The following APOO variants were observed in gnomAD, a reference collection of about 807,000 sequenced individuals.
APOO encodes the protein apolipoprotein O, also known as MICOS complex subunit MIC26.
A neutral mutation model predicts 23.1 loss-of-function variants in APOO; 11 were observed. The ratio of observed to expected loss-of-function variants is 0.48; its 90% confidence interval spans 0.30 to 0.79. APOO has a LOEUF of 0.79. Ranked by LOEUF, APOO falls within the 30% of genes least tolerant of loss-of-function variation. The probability of loss-of-function intolerance (pLI) is 0.07; values close to 1 mark genes in which losing one functional copy is unlikely to be tolerated. For missense variants in APOO, 160 were observed against 142.7 expected, an observed-to-expected ratio of 1.12 and a Z score of -0.62; for synonymous variants, 59 against 54.8, an observed-to-expected ratio of 1.08 and a Z score of -0.34.
At chrX:23,842,320 T>A in intron 7 of APOO, among the ~76,000 whole-genome samples, 1 of 110,417 alleles carries the variant, frequency 9.1e-6, no homozygotes, top group Admixed American at 9.7e-5. Flanking sequence ...GCCAGGGAGG[T>A]TGAGGCTGCA....
chrX:23,905,637 T>G (rs980911809), intron 1 of APOO, among the ~76,000 whole-genome samples: 2 of 111,405 alleles, frequency 1.8e-5, no homozygotes, highest in Non-Finnish European at 3.8e-5. Context: ...TCTTTGGCCG[T>G]CAGTGAGTCC....
intron 3 of APOO, among the ~76,000 whole-genome samples, chrX:23,876,452 A>G (rs1395407348): frequency 9.5e-6 from 1 of 105,266 alleles, no homozygotes; most frequent in Non-Finnish European, 1.9e-5. Context: ...AAAACTTCAG[A>G]TCAATATCTA....
chrX:23,894,744 C>T (rs772470077), intron 1 of APOO, among the ~76,000 whole-genome samples: 63 of 108,398 alleles, frequency 5.8e-4, no homozygotes, highest in African/African-American at 2.0e-3. Context: ...TGCAGTGAGC[C>T]GAGATCATGC....
chrX:23,844,886 T>A (rs1309503430), intron 7 of APOO, among the ~76,000 whole-genome samples: 2 of 112,417 alleles, frequency 1.8e-5, no homozygotes, highest in Non-Finnish European at 3.8e-5. Flanking sequence ...GAAGCGAAAA[T>A]GTGCAGTATC....
At chrX:23,876,921 T>C (rs1925884434) in intron 3 of APOO, among the ~76,000 whole-genome samples, 1 of 112,779 alleles carries the variant, frequency 8.9e-6, no homozygotes, top group Non-Finnish European at 1.9e-5. Flanking sequence ...AAGGCTTTGT[T>C]CTACCCAGGA....
chrX:23,839,813 T>G (rs1016516742), intron 8 of APOO, among the ~76,000 whole-genome samples: 10 of 111,570 alleles, frequency 9.0e-5, no homozygotes, highest in Non-Finnish European at 1.7e-4. Flanking sequence ...ATACCATAAT[T>G]AAGCCATTTT....
chrX:23,877,128 C>CA (rs897536511), intron 3 of APOO, among the ~76,000 whole-genome samples: 2 of 108,483 alleles, frequency 1.8e-5, no homozygotes, highest in African/African-American at 6.6e-5. Context: ...CTTTTATTGC[C>CA]AAAAAAACCA....
intron 4 of APOO, among the ~76,000 whole-genome samples, chrX:23,870,468 T>C (rs1174521100): frequency 1.8e-5 from 2 of 111,676 alleles, no homozygotes; most frequent in Non-Finnish European, 3.8e-5. Flanking sequence ...GTGGTAATAA[T>C]GGATGTTCAT....
intron 7 of APOO, among the ~76,000 whole-genome samples, chrX:23,843,251 T>C (rs770805259): frequency 2.5e-4 from 28 of 111,321 alleles, no homozygotes; most frequent in Admixed American, 1.1e-3. Flanking sequence ...GAAAACAACT[T>C]TGTTGCTAGG....
intron 7 of APOO, 100 bp from the exon 8 acceptor site, chrX:23,840,477 T>C: frequency 1.3e-6 from 1 of 774,740 alleles, no homozygotes; most frequent in Admixed American, 3.0e-5. Flanking sequence ...TTAAAAATTA[T>C]TATGGGGGAC....
At chrX:23,873,242 A>G (rs189709851) in intron 4 of APOO, among the ~76,000 whole-genome samples, 1 of 111,285 alleles carries the variant, frequency 9.0e-6, no homozygotes, top group Admixed American at 9.7e-5. Flanking sequence ...TACCTGACAT[A>G]TAAGTCTTAA....
chrX:23,849,748 C>T (rs1924444334), intron 7 of APOO, among the ~76,000 whole-genome samples: 1 of 108,335 alleles, frequency 9.2e-6, no homozygotes, highest in South Asian at 4.1e-4. Flanking sequence ...AAAAATTAGG[C>T]GGGGGCGGTG....
chrX:23,858,984 T>C (rs372187623), intron 5 of APOO, among the ~76,000 whole-genome samples: 63 of 111,411 alleles, frequency 5.7e-4, no homozygotes, highest in African/African-American at 2.0e-3. Flanking sequence ...TGTGTGCCTA[T>C]AGTCCTAGCT....
chrX:23,857,480 C>A (rs768192023), intron 6 of APOO, among the ~76,000 whole-genome samples: 1 of 111,639 alleles, frequency 9.0e-6, no homozygotes, highest in African/African-American at 3.2e-5. Context: ...AGGACTGTTA[C>A]AAACAATGTT....
At chrX:23,882,572 G>A (rs778240820) in intron 1 of APOO, among the ~76,000 whole-genome samples, 1 of 111,985 alleles carries the variant, frequency 8.9e-6, no homozygotes, top group Admixed American at 9.5e-5. Flanking sequence ...TAGGAATATG[G>A]AGTAAGACAT....
intron 4 of APOO, among the ~76,000 whole-genome samples, chrX:23,872,347 T>C (rs1176215595): frequency 9.1e-6 from 1 of 109,696 alleles, no homozygotes; most frequent in Admixed American, 9.9e-5. Context: ...CAGTGAGCTA[T>C]GATCACGCCA....
rs1227968944 is a variant in APOO, at chrX:23,856,284, G to GA, written c.561+17dup. On this transcript the variant is annotated intron_variant, in intron 7 of 8. Coordinates refer to ENST00000379226, the MANE Select transcript of APOO (RefSeq NM_024122.5). ...ATATTTAAACCAAAAGGAAGATAATGAAAAAGATGCTCCTCACCTTTTGAA... is the reference window on the plus strand; with the variant it reads ...ATATTTAAACCAAAAGGAAGATAATGAAAAAAGATGCTCCTCACCTTTTGAA... 1.7e-6 allele frequency: 2 copies of GA among 1,192,565 alleles called. No homozygotes were observed. The highest frequency in any genetic ancestry group is 2.2e-5 in the Admixed American group (1 of 44,684).
chrX:23,879,695 T>C (rs1159541159), intron 2 of APOO, among the ~76,000 whole-genome samples: 1 of 111,533 alleles, frequency 9.0e-6, no homozygotes, highest in Non-Finnish European at 1.9e-5. Flanking sequence ...CTCTAAAGGG[T>C]GGGTGAAGGG....
At chrX:23,860,840 A>T (rs1476163378) in intron 5 of APOO, among the ~76,000 whole-genome samples, 7 of 73,711 alleles carry the variant, frequency 9.5e-5, no homozygotes, top group Non-Finnish European at 1.7e-4. Context: ...CTATTCCTTT[A>T]AAAAAAAAAA....
Sources: allele counts gnomAD v4.1 joint callset (sites outside exome capture counted in the v4.1 genomes callset), GRCh38; gene constraint gnomAD v4.1.1; transcripts MANE v1.5; gene names NCBI Gene and HGNC (gene_info 2026-07-23, HGNC 2026-07-21).